Variants in EHBP1 observed in about 807,000 individuals in gnomAD.
EHBP1 encodes EH domain binding protein 1, also known as EH domain-binding protein 1.
A neutral mutation model predicts 144.0 loss-of-function variants in EHBP1; 55 were observed. The observed-to-expected ratio is 0.38, with a 90% confidence interval of 0.31 to 0.48. The LOEUF (loss-of-function observed/expected upper bound fraction) is 0.48, where lower values mean the gene tolerates loss of function less well. Ranked by LOEUF, EHBP1 falls within the 20% of genes least tolerant of loss-of-function variation. The pLI is 0.98. For synonymous variants in EHBP1, 469 were observed against 472.7 expected, an observed-to-expected ratio of 0.99 and a Z score of 0.10; for missense variants, 1,200 against 1,364.2, an observed-to-expected ratio of 0.88 and a Z score of 1.90.
chr2:62,841,870 G>T (rs1423154554), intron 7 of EHBP1, among the ~76,000 whole-genome samples: 2 of 151,944 alleles, frequency 1.3e-5, no homozygotes, highest in African/African-American at 4.8e-5. Context: ...GTCTTAGTTT[G>T]CTTGGGCTGC....
rs146377122 is a variant in EHBP1 at position 62,775,555 on chromosome 2, T to C, written c.312+4163T>C. The stretch of plus-strand genomic sequence containing the variant: ...AGTTAATAAAGAAATGTTGAGACTT[T>C]AACCGTAATGTCCAGTAGTAGCATT... On this transcript the variant is annotated intron_variant, in intron 5 of 22. Transcript: ENST00000431489. 2.7e-3 allele frequency among the ~76,000 whole-genome samples: 405 copies of C among 152,310 alleles called. 2 individuals are homozygous for C. The highest frequency in any genetic ancestry group is 9.0e-3 in the African/African-American group (375 of 41,582).
chr2:63,029,064 G>A (rs1485845221), intron 19 of EHBP1, among the ~76,000 whole-genome samples: 1 of 151,432 alleles, frequency 6.6e-6, no homozygotes, highest in African/African-American at 2.4e-5. Context: ...ATCTTAAAAT[G>A]TACCTTTTTT....
At chr2:62,809,308 A>AG (rs1558708171) in intron 5 of EHBP1, among the ~76,000 whole-genome samples, 1 of 150,784 alleles carries the variant, frequency 6.6e-6, no homozygotes, top group African/African-American at 2.4e-5. Context: ...AAAAAAAAAA[A>AG]AAAAAAACAA....
At chr2:62,713,092 T>C (rs1053468254) in intron 2 of EHBP1, among the ~76,000 whole-genome samples, 5 of 152,034 alleles carry the variant, frequency 3.3e-5, no homozygotes, top group Non-Finnish European at 7.4e-5. Flanking sequence ...ACCATGAGAG[T>C]TGGTGGCTGA....
chr2:62,812,475 G>T (rs995255835), intron 5 of EHBP1, among the ~76,000 whole-genome samples: 1 of 152,144 alleles, frequency 6.6e-6, no homozygotes, highest in Non-Finnish European at 1.5e-5. Context: ...GTGAGGGCTC[G>T]GGAGAATACA....
Position 63,017,051 on chromosome 2 carries a change from A to G in EHBP1, c.3103+20285A>G, listed in dbSNP as rs1374481349. Among the ~76,000 whole-genome samples, 9 of 152,234 alleles carry G rather than the reference A, an allele frequency of 5.9e-5. 1 individual carries two copies. Among genetic ancestry groups the G allele is most frequent in the Admixed American group, 3.3e-4 (5 of 15,288 alleles). ...GTGGGACCCTGACTGGGGGAATGAT[A>G]ACTGCTTACTAACTCATCTTCACAG... On this transcript the variant is annotated intron_variant, in intron 19 of 22. Coordinates refer to ENST00000431489, the MANE Select transcript of EHBP1 (RefSeq NM_001142616.3).
intron 2 of EHBP1, among the ~76,000 whole-genome samples, chr2:62,720,044 AG>A (rs1423641850): frequency 2.0e-5 from 3 of 152,342 alleles, no homozygotes; most frequent in South Asian, 2.1e-4. Context: ...ACAGGAAACT[AG>A]GGAGGCAGTG....
At chr2:63,044,323 AC>A (rs2061835953) in intron 21 of EHBP1, 1 of 151,270 alleles carries the variant, frequency 6.6e-6, no homozygotes, top group East Asian at 1.9e-4. Context: ...GGGTTTTCCA[AC>A]CTTTAACATA....
In EHBP1 at chr2:62,729,522, A is replaced by AT. The variant is rs1558563369; in HGVS notation, c.105-17873_105-17872insT. Among the ~76,000 whole-genome samples the AT allele has an allele frequency of 1.5e-4, 18 of 122,984 alleles. No individual in the cohort carries two copies. The South Asian group carries it at 2.0e-3, about 14-fold the overall frequency. 80.7% of individuals were successfully genotyped at this position (122,984 alleles called of 152,430 possible). On this transcript the variant is annotated intron_variant, in intron 2 of 22. Transcript: ENST00000431489. The stretch of plus-strand genomic sequence containing the variant: ...ATATAATAAATATAATAAAATAAAT[A>AT]AATATAATATATATAATATATATTA...
intron 3 of EHBP1, among the ~76,000 whole-genome samples, chr2:62,759,594 AG>A (rs1467017208): frequency 6.6e-6 from 1 of 152,056 alleles, no homozygotes; most frequent in Non-Finnish European, 1.5e-5. Flanking sequence ...CAGTAGAGAC[AG>A]GGTTTCACCA....
chr2:62,676,035 C>T (rs768155056), intron 1 of EHBP1, among the ~76,000 whole-genome samples: 85 of 152,250 alleles, frequency 5.6e-4, no homozygotes, highest in African/African-American at 1.8e-3. Flanking sequence ...GGATTACAGG[C>T]GTGAGCCACT....
intron 1 of EHBP1, among the ~76,000 whole-genome samples, chr2:62,681,355 T>TATATATATATATATATATATATATAA (rs2033516106): frequency 8.1e-6 from 1 of 124,108 alleles, no homozygotes; most frequent in Non-Finnish European, 1.7e-5. Context: ...TATATATATA[T>TATATATATATATATATATATATATAA]ATATAATGTG....
chr2:62,923,763 A>C (rs1329566303), intron 10 of EHBP1, among the ~76,000 whole-genome samples: 1 of 152,180 alleles, frequency 6.6e-6, no homozygotes, highest in Non-Finnish European at 1.5e-5. Flanking sequence ...GCAACTTTGC[A>C]GTTCACCCCT....
At chr2:62,751,391 T>A (rs1379849363) in intron 3 of EHBP1, among the ~76,000 whole-genome samples, 5 of 152,208 alleles carry the variant, frequency 3.3e-5, no homozygotes, top group Admixed American at 3.3e-4. Flanking sequence ...TTTGCCAGTA[T>A]TTTATTGAGG....
intron 9 of EHBP1, among the ~76,000 whole-genome samples, chr2:62,871,640 C>G (rs1038983616): frequency 6.6e-6 from 1 of 152,188 alleles, no homozygotes; most frequent in Non-Finnish European, 1.5e-5. Context: ...TATGACCTTT[C>G]ATCAAGCAAA....
At chr2:62,775,631 A>T (rs778255061) in intron 5 of EHBP1, among the ~76,000 whole-genome samples, 3 of 152,210 alleles carry the variant, frequency 2.0e-5, no homozygotes, top group Non-Finnish European at 2.9e-5. Context: ...AATAAAACAG[A>T]AGTCTCCAAA....
intron 3 of EHBP1, among the ~76,000 whole-genome samples, chr2:62,752,713 G>T (rs1048436563): frequency 2.6e-5 from 4 of 152,088 alleles, no homozygotes; most frequent in African/African-American, 9.7e-5. Flanking sequence ...TTGTTGAATT[G>T]ATCCCTTTAC....
intron 5 of EHBP1, among the ~76,000 whole-genome samples, chr2:62,821,632 T>C (rs1313903136): frequency 6.6e-6 from 1 of 152,114 alleles, no homozygotes; most frequent in Non-Finnish European, 1.5e-5. Flanking sequence ...GTGAGCTGTT[T>C]TTGCACCACT....
chr2:62,829,733 T>C (rs1029896761), intron 6 of EHBP1, among the ~76,000 whole-genome samples: 3 of 147,120 alleles, frequency 2.0e-5, no homozygotes, highest in Non-Finnish European at 4.5e-5. Flanking sequence ...TATTTATAAT[T>C]ATTTATATAT....
Sources: gnomAD v4.1 joint callset for allele counts (sites outside exome capture counted in the v4.1 genomes callset) on GRCh38, gnomAD v4.1.1 for gene constraint, MANE v1.5 for transcripts, NCBI Gene and HGNC (gene_info 2026-07-23, HGNC 2026-07-21) for gene names.